LYRM4: variants seen among roughly 807,000 people sequenced by gnomAD.
The protein encoded by LYRM4 is LYR motif containing 4.
In LYRM4, 9 loss-of-function variants were observed where a neutral mutation model predicts 11.7. The ratio of observed to expected loss-of-function variants is 0.77; its 90% confidence interval spans 0.46 to 1.34. LYRM4 has a LOEUF of 1.34. Among genes scored for constraint, LYRM4 ranks in the 40% most tolerant of loss-of-function variants. LYRM4 has a pLI of 0.00. For missense variants in LYRM4, 133 were observed against 112.5 expected (o/e 1.18, Z -0.82); for synonymous variants, 42 against 40.4 (o/e 1.04, Z -0.15).
chr6:5,177,049 T>C (rs1053440934), intron 2 of LYRM4, among the ~76,000 whole-genome samples: 1 of 152,194 alleles, frequency 6.6e-6, no homozygotes, highest in East Asian at 1.9e-4. Context: ...ATGTCATACA[T>C]GTGCACAAAA....
the LYRM4 span, chr6:5,031,926 A>G: frequency 6.6e-6 from 1 of 152,178 alleles, no homozygotes; most frequent in East Asian, 1.9e-4. Flanking sequence ...ATATTGATCA[A>G]TGGAAACACT....
At chr6:5,039,508 A>T in the LYRM4 span, among the ~76,000 whole-genome samples, 1 of 152,206 alleles carries the variant, frequency 6.6e-6, no homozygotes. Context: ...TCCAATTACA[A>T]TCTAAAGTAA....
intron 2 of LYRM4, among the ~76,000 whole-genome samples, chr6:5,197,500 C>T (rs1013644177): frequency 4.0e-5 from 6 of 151,766 alleles, no homozygotes; most frequent in African/African-American, 7.3e-5. Flanking sequence ...GGTGAAACCC[C>T]GTCTCTACTG....
At chr6:5,172,965 C>T (rs563898239) in intron 2 of LYRM4, among the ~76,000 whole-genome samples, 2 of 152,310 alleles carry the variant, frequency 1.3e-5, no homozygotes, top group South Asian at 4.1e-4. Flanking sequence ...GCAGCTTCTT[C>T]ACTGCCAATA....
intron 2 of LYRM4, among the ~76,000 whole-genome samples, chr6:5,120,367 T>C (rs950676919): frequency 6.6e-6 from 1 of 152,194 alleles, no homozygotes; most frequent in Non-Finnish European, 1.5e-5. Context: ...CCACAGGGTC[T>C]GCTTTGTAGT....
intron 2 of LYRM4, among the ~76,000 whole-genome samples, chr6:5,147,925 T>A (rs1757821507): frequency 6.6e-6 from 1 of 152,150 alleles, no homozygotes; most frequent in South Asian, 2.1e-4. Context: ...TGTCCGACTT[T>A]CCTTTTGTAA....
downstream of LYRM4, among the ~76,000 whole-genome samples, chr6:5,102,227 T>A (rs1179857382): frequency 6.6e-6 from 1 of 152,128 alleles, no homozygotes; most frequent in African/African-American, 2.4e-5. Context: ...TATGTTAATG[T>A]ATGCTAAACT....
intron 2 of LYRM4, among the ~76,000 whole-genome samples, chr6:5,199,417 C>T (rs541760862): frequency 2.0e-5 from 3 of 152,146 alleles, no homozygotes; most frequent in South Asian, 2.1e-4. Flanking sequence ...TTTCTTTCTG[C>T]GGTGATGAAA....
rs1268871814 is a variant in LYRM4, at chr6:5,144,120, C to T, written c.208-34629G>A. On this transcript the variant is annotated intron_variant, in intron 2 of 2. Coordinates refer to ENST00000330636, the MANE Select transcript of LYRM4 (RefSeq NM_020408.6). ...AGAGCGATCTGATCTGATGTGACCA[C>T]ATAGTCAGAATGCTCACCAGCTCTG... 4 of 1,535,844 alleles carry T rather than the reference C, an allele frequency of 2.6e-6. No homozygotes were observed. In the African/African-American group the frequency reaches 4.1e-5, roughly 16 times the overall value.
chr6:5,237,952 A>C (rs1379630567), intron 1 of LYRM4, among the ~76,000 whole-genome samples: 1 of 152,180 alleles, frequency 6.6e-6, no homozygotes, highest in Non-Finnish European at 1.5e-5. Flanking sequence ...CTTCGGTATC[A>C]CAGACACTCT....
chr6:5,218,453 A>T, intron 1 of LYRM4: 1 of 887,458 alleles, frequency 1.1e-6, no homozygotes, highest in African/African-American at 1.8e-5. Flanking sequence ...TAAAGTAAAA[A>T]GGCATTTTAC....
chr6:5,160,793 TG>T (rs1758713871), intron 2 of LYRM4, among the ~76,000 whole-genome samples: 1 of 152,206 alleles, frequency 6.6e-6, no homozygotes, highest in African/African-American at 2.4e-5. Flanking sequence ...TGCACGGTTC[TG>T]CAGGCCTTCA....
intron 1 of LYRM4, among the ~76,000 whole-genome samples, chr6:5,259,882 A>T (rs532719679): frequency 6.6e-6 from 1 of 152,348 alleles, no homozygotes; most frequent in East Asian, 1.9e-4. Context: ...AACCAGCAAC[A>T]CTGTGAAAGC....
intron 2 of LYRM4, among the ~76,000 whole-genome samples, chr6:5,167,703 T>C (rs78812444): frequency 0.014 from 2,114 of 152,252 alleles, 42 homozygotes; most frequent in African/African-American, 0.046. Context: ...TTCTTAATGG[T>C]GTACTCTTCA....
chr6:5,051,138 A>G, the LYRM4 span, among the ~76,000 whole-genome samples: 1 of 152,240 alleles, frequency 6.6e-6, no homozygotes, highest in Non-Finnish European at 1.5e-5. Context: ...CTTGAAGGCC[A>G]AAAAGATTAC....
intron 2 of LYRM4, among the ~76,000 whole-genome samples, chr6:5,117,004 C>T (rs575677560): frequency 7.9e-5 from 12 of 152,282 alleles, no homozygotes; most frequent in African/African-American, 2.6e-4. Context: ...AGGTGGGGAA[C>T]GGATGCAGCC....
downstream of LYRM4, chr6:5,102,888 C>T (rs1351349890): frequency 2.0e-5 from 3 of 152,290 alleles, no homozygotes; most frequent in East Asian, 5.8e-4. Context: ...GTCAACGATC[C>T]CCCAGGTAAA....
intron 2 of LYRM4, among the ~76,000 whole-genome samples, chr6:5,147,979 T>A (rs1757826244): frequency 6.6e-6 from 1 of 152,158 alleles, no homozygotes; most frequent in South Asian, 2.1e-4. Flanking sequence ...GGGAAAACAA[T>A]CTCTGTCTTC....
At chr6:5,099,378 A>T (rs965504725), downstream of LYRM4, among the ~76,000 whole-genome samples, 2 of 100,504 alleles carry the variant, frequency 2.0e-5, no homozygotes, top group African/African-American at 7.7e-5. This position sits in a 1 kb window ranked among gnomAD's most constrained non-coding sequence, Gnocchi z 4.3. Context: ...CTAATTAAAA[A>T]AAAAATCTAT....
Sources: gnomAD v4.1 joint callset for allele counts (sites outside exome capture counted in the v4.1 genomes callset) on GRCh38, gnomAD v4.1.1 for gene constraint, Gnocchi (gnomAD v3.1) non-coding constraint, MANE v1.5 for transcripts, NCBI Gene and HGNC (gene_info 2026-07-23, HGNC 2026-07-21) for gene names.